CDH3: variants seen among roughly 807,000 people sequenced by gnomAD.
The protein encoded by CDH3 is cadherin-3.
A neutral mutation model predicts 82.0 loss-of-function variants in CDH3; 54 were observed. That is an observed-to-expected ratio of 0.66 (90% CI 0.53 to 0.83). The LOEUF (loss-of-function observed/expected upper bound fraction) is 0.83. Among genes scored for constraint, CDH3 ranks in the 40% least tolerant of loss-of-function variants. CDH3 has a pLI of 0.00. For synonymous variants in CDH3, 446 were observed against 437.9 expected, an observed-to-expected ratio of 1.02 and a Z score of -0.23; for missense variants, 1,054 against 1,084.6, an observed-to-expected ratio of 0.97 and a Z score of 0.40.
intron 15 of CDH3, chr16:68,696,426 C>T (rs1247956158): frequency 4.5e-6 from 1 of 224,030 alleles, no homozygotes; most frequent in African/African-American, 2.3e-5. Context: ...TCAACAACAA[C>T]AACAAAAATG....
chr16:68,713,482 C>T (rs1387428025), intron 1 of CDH3, among the ~76,000 whole-genome samples: 1 of 151,944 alleles, frequency 6.6e-6, no homozygotes, highest in Admixed American at 6.6e-5. Context: ...CCCCTCCTCT[C>T]GGTGCCCACC....
intron 1 of CDH3, among the ~76,000 whole-genome samples, chr16:68,716,769 G>C (rs1011057099): frequency 6.6e-6 from 1 of 152,038 alleles, no homozygotes; most frequent in Non-Finnish European, 1.5e-5. Context: ...TGTCTGTCAG[G>C]CTGGAGTGCC....
At chr16:68,668,542 T>G (rs1960800773) in intron 2 of CDH3, among the ~76,000 whole-genome samples, 1 of 152,218 alleles carries the variant, frequency 6.6e-6, no homozygotes, top group Admixed American at 6.5e-5. Flanking sequence ...ACTACTCATG[T>G]TCCTACATGT....
intron 2 of CDH3, 81 bp downstream of exon 2, chr16:68,645,831 C>CG (rs1960042750): frequency 2.8e-6 from 3 of 1,090,572 alleles, no homozygotes; most frequent in African/African-American, 1.5e-5. Context: ...GTGTTCGGGC[C>CG]GGGGCAAGGG....
At chr16:68,729,323 C>T (rs1395269902), downstream of CDH3, among the ~76,000 whole-genome samples, 1 of 152,040 alleles carries the variant, frequency 6.6e-6, no homozygotes, top group East Asian at 1.9e-4. Flanking sequence ...ATATATATGC[C>T]GGACATCCTA....
intron 2 of CDH3, among the ~76,000 whole-genome samples, chr16:68,654,810 C>T (rs994332695): frequency 4.8e-4 from 72 of 149,718 alleles, no homozygotes; most frequent in African/African-American, 1.6e-3. Flanking sequence ...CCAAGGTGGG[C>T]GGATCACCTG....
chr16:68,695,461 TGACC>T, intron 14 of CDH3, 76 bp downstream of exon 14: 1 of 1,452,848 alleles, frequency 6.9e-7, no homozygotes, highest in South Asian at 1.2e-5. Flanking sequence ...GTCAACCAAC[TGACC>T]AAGTTAGCTG....
At chr16:68,720,747 G>A (rs908659245) in intron 1 of CDH3, among the ~76,000 whole-genome samples, 5 of 151,324 alleles carry the variant, frequency 3.3e-5, no homozygotes, top group African/African-American at 9.7e-5. Context: ...TCCCAAGCCC[G>A]AGTAGCTGGG....
At chr16:68,697,613 G>C (rs936959016) in intron 15 of CDH3, among the ~76,000 whole-genome samples, 2 of 152,172 alleles carry the variant, frequency 1.3e-5, no homozygotes, top group African/African-American at 4.8e-5. Context: ...TAATTGAACT[G>C]GGTGTGGCCT....
At chr16:68,716,652 A>C (rs1392950037) in intron 1 of CDH3, among the ~76,000 whole-genome samples, 4 of 151,456 alleles carry the variant, frequency 2.6e-5, no homozygotes, top group East Asian at 3.9e-4. Flanking sequence ...AAAGAAAAAA[A>C]CTGATAACAG....
chr16:68,732,075 AGGG>A (rs536716253), downstream of CDH3, among the ~76,000 whole-genome samples: 100 of 150,316 alleles, frequency 6.7e-4, 1 homozygote, highest in South Asian at 6.3e-3. Context: ...GCAGACTGGA[AGGG>A]CGGCACCCCT....
chr16:68,682,469 C>T lies in CDH3; in HGVS notation c.1164C>T (p.Gly388=). The part of the protein sequence containing the change: ...TITTHPESNQ[G]ILTTRKGLDF... ...CCACCCACCCTGAGAGCAACCAGGG[C>T]ATCCTGACAACCAGGAAGGTGAGTC... The change falls in exon 9 of 16, where the codon GGC becomes GGT. Residue 388 remains glycine, a synonymous_variant. Coordinates refer to ENST00000264012, the MANE Select transcript of CDH3 (RefSeq NM_001793.6). 4 of 1,614,112 alleles carry T rather than the reference C, an allele frequency of 2.5e-6. No individual in the cohort carries two copies. The highest frequency in any genetic ancestry group is 3.4e-6 in the Non-Finnish European group (4 of 1,180,012).
At chr16:68,645,561 G>C (rs2152087412) in intron 1 of CDH3, 75 bp from the exon 2 acceptor site, 1 of 1,456,990 alleles carries the variant, frequency 6.9e-7, no homozygotes, top group African/African-American at 1.4e-5. Flanking sequence ...GGCCCGTGAG[G>C]ACCCTGCGGT....
At chr16:68,645,446 G>A (rs1362409331) in intron 1 of CDH3, 22 bp downstream of exon 1, 1 of 1,612,272 alleles carries the variant, frequency 6.2e-7, no homozygotes, top group South Asian at 1.1e-5. Flanking sequence ...CCTCGCCGTG[G>A]CCCCGACCGG....
At chr16:68,671,991 A>G (rs1312712405) in intron 2 of CDH3, among the ~76,000 whole-genome samples, 1 of 152,170 alleles carries the variant, frequency 6.6e-6, no homozygotes, top group Non-Finnish European at 1.5e-5. Flanking sequence ...GCCAACAGGT[A>G]GTCATGGCCA....
At position 68,684,740 on chromosome 16, in the gene CDH3, T is replaced by C. The variant is rs762595780; in HGVS notation, c.1340T>C (p.Val447Ala). ...APVFVPPSKV[V>A]EVQEGIPTGE... ...GTGTTTGTCCCACCCTCCAAAGTCG[T>C]TGAGGTCCAGGAGGGCATCCCCACT... Residue 447 changes from valine (V) to alanine (A), a missense_variant, in exon 10 of 16, where the codon GTT becomes GCT. Transcript: ENST00000264012. The C allele has an allele frequency of 1.1e-5, 18 of 1,614,180 alleles. No individual in the cohort carries two copies. Among genetic ancestry groups the C allele is most frequent in the Non-Finnish European group, 1.5e-5 (18 of 1,180,038 alleles).
intron 11 of CDH3, among the ~76,000 whole-genome samples, chr16:68,685,712 C>T (rs1961393090): frequency 6.6e-6 from 1 of 152,216 alleles, no homozygotes; most frequent in Non-Finnish European, 1.5e-5. Context: ...GACGCAGAGG[C>T]AGAAGAATCA....
downstream of CDH3, among the ~76,000 whole-genome samples, chr16:68,702,722 G>A (rs569513468): frequency 3.3e-5 from 5 of 152,014 alleles, no homozygotes; most frequent in Admixed American, 6.6e-5. Context: ...AAAATTAGCC[G>A]GGTGTGGTGG....
downstream of CDH3, among the ~76,000 whole-genome samples, chr16:68,705,077 ATGAG>A (rs1189358768): frequency 6.6e-6 from 1 of 152,112 alleles, no homozygotes; most frequent in Non-Finnish European, 1.5e-5. Flanking sequence ...AAACGAAAAA[ATGAG>A]AGAGAGGTTA....
Sources: allele counts gnomAD v4.1 joint callset (sites outside exome capture counted in the v4.1 genomes callset), GRCh38; gene constraint gnomAD v4.1.1; transcripts MANE v1.5; gene names NCBI Gene and HGNC (gene_info 2026-07-23, HGNC 2026-07-21).